Variants in ZNF804B observed in about 807,000 individuals in gnomAD.
The protein encoded by ZNF804B is zinc finger 804B.
Under a neutral mutation model 101.4 loss-of-function variants are expected in ZNF804B, and 80 were observed. The observed-to-expected ratio is 0.79, with a 90% CI of 0.66 to 0.95. The LOEUF is 0.95. ZNF804B is among the 40% of genes least tolerant of loss of function. The pLI, the probability that ZNF804B is intolerant of heterozygous loss-of-function variation, is 0.00. For synonymous variants in ZNF804B, 622 were observed against 558.8 expected, an observed-to-expected ratio of 1.11 and a Z score of -1.59; for missense variants, 1,673 against 1,561.9, an observed-to-expected ratio of 1.07 and a Z score of -1.20.
intron 1 of ZNF804B, among the ~76,000 whole-genome samples, chr7:89,172,757 G>A (rs766830573): frequency 2.6e-4 from 39 of 152,048 alleles, no homozygotes; most frequent in Non-Finnish European, 3.5e-4. Flanking sequence ...TTGAATCTTC[G>A]TTTTCTCCAT....
At chr7:89,138,588 T>C (rs1790671203) in intron 1 of ZNF804B, among the ~76,000 whole-genome samples, 1 of 151,994 alleles carries the variant, frequency 6.6e-6, no homozygotes. Context: ...TGATTGGTTT[T>C]AAAATGTGAG....
At chr7:89,181,865 T>C (rs551667973) in intron 1 of ZNF804B, among the ~76,000 whole-genome samples, 4 of 152,230 alleles carry the variant, frequency 2.6e-5, no homozygotes, top group Non-Finnish European at 4.4e-5. Context: ...GTTCCCTTAT[T>C]GTGTATAATT....
In ZNF804B at chr7:89,220,085, A is replaced by G. The variant is rs867637056; in HGVS notation, c.249+1790A>G. ...TACGCACATATATGTGTATATACAT[A>G]TATATACGCACATATATATGTGTGT... is the stretch of plus-strand genomic sequence containing the variant. On this transcript the variant is annotated intron_variant, in intron 2 of 3. Coordinates refer to ENST00000333190, the MANE Select transcript of ZNF804B (RefSeq NM_181646.5). Among the ~76,000 whole-genome samples the G allele has an allele frequency of 3.3e-4, 9 of 27,072 alleles. 2 individuals are homozygous for G. The highest frequency in any genetic ancestry group is 7.7e-4 in the African/African-American group (5 of 6,490). The allele number at this position is 27,072 out of a possible 152,430, so 17.8% of individuals were successfully genotyped here.
intron 1 of ZNF804B, among the ~76,000 whole-genome samples, chr7:88,894,207 C>G (rs1792252168): frequency 6.6e-6 from 1 of 151,450 alleles, no homozygotes; most frequent in African/African-American, 2.4e-5. Context: ...AATTTTAAAA[C>G]TATGCAATCC....
chr7:89,282,541 A>G (rs1275967491), intron 2 of ZNF804B, among the ~76,000 whole-genome samples: 1 of 152,232 alleles, frequency 6.6e-6, no homozygotes, highest in African/African-American at 2.4e-5. Context: ...GATGGGCTGA[A>G]TAATACCCCC....
chr7:89,169,284 G>C (rs1791190643), intron 1 of ZNF804B, among the ~76,000 whole-genome samples: 1 of 152,122 alleles, frequency 6.6e-6, no homozygotes, highest in Non-Finnish European at 1.5e-5. Flanking sequence ...TGAAAACAGA[G>C]CTCCCATAGG....
intron 2 of ZNF804B, 42 bp downstream of exon 2, chr7:89,218,337 T>C (rs1209667859): frequency 2.5e-6 from 4 of 1,609,006 alleles, no homozygotes; most frequent in Admixed American, 3.3e-5. Context: ...CCTGTATTTA[T>C]ACCTTCAGAA....
intron 2 of ZNF804B, among the ~76,000 whole-genome samples, chr7:89,262,833 TATA>T (rs1208498400): frequency 6.6e-6 from 1 of 152,234 alleles, no homozygotes; most frequent in African/African-American, 2.4e-5. Context: ...CTTATATAGG[TATA>T]ATATCTTCCT....
chr7:88,948,987 G>A (rs1018767138), intron 1 of ZNF804B, among the ~76,000 whole-genome samples: 1 of 150,786 alleles, frequency 6.6e-6, no homozygotes, highest in African/African-American at 2.4e-5. Flanking sequence ...AATTTTGTAT[G>A]TGATTACTTT....
chr7:89,171,712 G>A (rs1334662970), intron 1 of ZNF804B, among the ~76,000 whole-genome samples: 1 of 152,116 alleles, frequency 6.6e-6, no homozygotes, highest in Non-Finnish European at 1.5e-5. Context: ...TGGGATTACA[G>A]GTGTGATCCC....
At chr7:88,830,262 A>G (rs1160208109) in intron 1 of ZNF804B, among the ~76,000 whole-genome samples, 1 of 152,160 alleles carries the variant, frequency 6.6e-6, no homozygotes, top group East Asian at 1.9e-4. Context: ...AATTAGCCAG[A>G]GTACAAAGCA....
chr7:89,118,055 C>T (rs2116361988), intron 1 of ZNF804B, among the ~76,000 whole-genome samples: 1 of 152,244 alleles, frequency 6.6e-6, no homozygotes, highest in South Asian at 2.1e-4. Context: ...AAAGCACAAT[C>T]AAGGAACAGC....
chr7:88,795,673 C>T (rs59185678), intron 1 of ZNF804B: 14,853 of 151,998 alleles, frequency 0.098, 1,156 homozygotes, highest in East Asian at 0.31. Context: ...TTCTGTCACG[C>T]ACCTGTCCTC....
intron 1 of ZNF804B, among the ~76,000 whole-genome samples, chr7:89,126,909 A>G (rs1248347127): frequency 6.6e-6 from 1 of 151,966 alleles, no homozygotes; most frequent in Admixed American, 6.6e-5. Context: ...CTCTCACAGG[A>G]AAATGGTACC....
chr7:88,844,153 T>C (rs1008188961), intron 1 of ZNF804B, among the ~76,000 whole-genome samples: 1 of 152,190 alleles, frequency 6.6e-6, no homozygotes, highest in African/African-American at 2.4e-5. Context: ...CAAACTTAAA[T>C]ACTTTTTATC....
intron 1 of ZNF804B, among the ~76,000 whole-genome samples, chr7:88,833,459 C>T (rs937561647): frequency 1.3e-5 from 2 of 151,846 alleles, no homozygotes; most frequent in Admixed American, 6.6e-5. Context: ...ATGTATCTGA[C>T]ATGTTGCTAG....
chr7:89,172,417 A>G (rs1398204051), intron 1 of ZNF804B, among the ~76,000 whole-genome samples: 1 of 152,116 alleles, frequency 6.6e-6, no homozygotes, highest in Non-Finnish European at 1.5e-5. Context: ...AAATGTTGAG[A>G]GTGATTGTGG....
chr7:88,873,479 T>A (rs557060053), intron 1 of ZNF804B, among the ~76,000 whole-genome samples: 1 of 152,316 alleles, frequency 6.6e-6, no homozygotes, highest in Non-Finnish European at 1.5e-5. Context: ...TTTAATTAGA[T>A]CCCATTTGTC....
At chr7:88,969,574 G>C (rs972653440) in intron 1 of ZNF804B, among the ~76,000 whole-genome samples, 1 of 151,590 alleles carries the variant, frequency 6.6e-6, no homozygotes, top group Non-Finnish European at 1.5e-5. Context: ...AAAAACAAGA[G>C]AGAGGAAGAA....
Sources: allele counts gnomAD v4.1 joint callset (sites outside exome capture counted in the v4.1 genomes callset), GRCh38; gene constraint gnomAD v4.1.1; transcripts MANE v1.5; gene names NCBI Gene and HGNC (gene_info 2026-07-23, HGNC 2026-07-21).